The following DCAF17 variants were observed in gnomAD, a reference collection of about 807,000 sequenced individuals.
The protein encoded by DCAF17 is DDB1 and CUL4 associated factor 17, also known as DDB1- and CUL4-associated factor 17.
DCAF17 carries 48 observed loss-of-function variants against 66.0 expected under a neutral mutation model. The observed-to-expected ratio is 0.73, with a 90% confidence interval of 0.58 to 0.92. The LOEUF is 0.92. DCAF17 is among the 40% of genes least tolerant of loss of function. The pLI is 0.00. For missense variants in DCAF17, 562 were observed against 622.8 expected, an observed-to-expected ratio of 0.90 and a Z score of 1.04; for synonymous variants, 206 against 214.6, an observed-to-expected ratio of 0.96 and a Z score of 0.35.
intron 2 of DCAF17, among the ~76,000 whole-genome samples, chr2:171,440,964 C>A (rs984572575): frequency 3.3e-5 from 5 of 152,290 alleles, no homozygotes; most frequent in African/African-American, 1.2e-4. Context: ...GACCAGAAAC[C>A]AGAATTTAGA....
At chr2:171,441,920 A>G (rs1380264968) in intron 2 of DCAF17, among the ~76,000 whole-genome samples, 2 of 152,322 alleles carry the variant, frequency 1.3e-5, no homozygotes, top group South Asian at 4.1e-4. Flanking sequence ...GGAAATCTGG[A>G]CATGTTATCT....
chr2:171,445,968 T>C (rs1694598279), intron 3 of DCAF17, among the ~76,000 whole-genome samples: 2 of 152,198 alleles, frequency 1.3e-5, no homozygotes, highest in South Asian at 4.2e-4. Flanking sequence ...TAAGTGTGAG[T>C]CACCACGCTC....
intron 2 of DCAF17, among the ~76,000 whole-genome samples, 174 bp downstream of exon 2, chr2:171,435,360 A>T (rs1693810258): frequency 6.6e-6 from 1 of 152,208 alleles, no homozygotes; most frequent in South Asian, 2.1e-4. Context: ...GTTAAATCTA[A>T]AGTTGCAGGT....
chr2:171,447,319 C>A (rs936327985), intron 3 of DCAF17: 5 of 283,930 alleles, frequency 1.8e-5, no homozygotes, highest in Admixed American at 4.8e-5. Flanking sequence ...CACTTTTTGG[C>A]CTAAGCAGAT....
At chr2:171,462,794 CTA>C (rs1695662232) in intron 8 of DCAF17, among the ~76,000 whole-genome samples, 1 of 152,088 alleles carries the variant, frequency 6.6e-6, no homozygotes, top group Non-Finnish European at 1.5e-5. Flanking sequence ...TGGAAACAAT[CTA>C]TACATTGGTA....
intron 8 of DCAF17, among the ~76,000 whole-genome samples, chr2:171,466,693 A>G (rs1286864796): frequency 6.6e-6 from 1 of 150,812 alleles, no homozygotes; most frequent in Non-Finnish European, 1.5e-5. Context: ...TTTACTGGGA[A>G]AGGTATTTCT....
intron 8 of DCAF17, among the ~76,000 whole-genome samples, chr2:171,463,008 A>T (rs2105783508): frequency 6.6e-6 from 1 of 152,232 alleles, no homozygotes; most frequent in East Asian, 1.9e-4. Context: ...AGGCAAGTGG[A>T]TCACTTGAGG....
At chr2:171,469,103 C>T (rs1696090409) in intron 9 of DCAF17, 73 bp downstream of exon 9, 4 of 1,521,806 alleles carry the variant, frequency 2.6e-6, no homozygotes, top group Non-Finnish European at 3.6e-6. Flanking sequence ...CAAATAGGCC[C>T]ACATTCCTAA....
rs1359593274 is a variant in DCAF17, at chr2:171,449,895, A to C, written c.475A>C (p.Thr159Pro). Residue 159 changes from threonine to proline, a missense_variant, in exon 5 of 14, where the codon ACT becomes CCT. Thr to Pro is a conservative substitution (Grantham distance 38). This residue lies in a region of DCAF17 where 348 missense variants were observed against 355.9 expected (regional missense o/e 0.98). Coordinates refer to ENST00000375255, the MANE Select transcript of DCAF17 (RefSeq NM_025000.4). The stretch of plus-strand genomic sequence containing the variant: ...TTTTAAAAGATACTTGAGCTGGGAC[A>C]CTCCTCAAGAAGTCATTGCAGTTAA... Reference protein sequence around the residue: ...YCKFRYLSWDTPQEVIAVKSA... With the variant: ...YCKFRYLSWDPPQEVIAVKSA... 1 of 1,613,624 alleles carries C rather than the reference A, an allele frequency of 6.2e-7. No individual in the cohort carries two copies.
In DCAF17 at chr2:171,481,199, A is replaced by C; in HGVS notation, c.*85A>C. 2.6e-6 allele frequency: 4 copies of C among 1,556,936 alleles called. No homozygotes were observed. In the South Asian group the frequency reaches 4.5e-5, roughly 17 times the overall value. On this transcript the variant is annotated 3_prime_UTR_variant, in exon 14 of 14. Coordinates refer to ENST00000375255, the MANE Select transcript of DCAF17 (RefSeq NM_025000.4). ...CAATCCATTTTATTATCTGCATGGC[A>C]CATTCTCCAGTATTTTCCAAAAAAG...
Position 171,458,525 on chromosome 2 carries a change from C to A in DCAF17, c.838+48C>A. 3 of 1,383,648 alleles carry A rather than the reference C, an allele frequency of 2.2e-6. No individual in the cohort carries two copies. The South Asian group carries it at 3.5e-5, about 16-fold the overall frequency. 85.7% of individuals were successfully genotyped at this position (1,383,648 alleles called of 1,614,324 possible). Reference sequence around the variant, plus strand: ...TTTCACCTTAAAAAAATTAAGTGGTCATATAAATAGTTATTAATTATAGTC... The same window carrying A: ...TTTCACCTTAAAAAAATTAAGTGGTAATATAAATAGTTATTAATTATAGTC... On this transcript the variant is annotated intron_variant, in intron 8 of 13. Coordinates refer to ENST00000375255, the MANE Select transcript of DCAF17 (RefSeq NM_025000.4).
At chr2:171,473,378 G>A (rs1282858281) in intron 9 of DCAF17, among the ~76,000 whole-genome samples, 2 of 152,266 alleles carry the variant, frequency 1.3e-5, no homozygotes, top group African/African-American at 2.4e-5. Flanking sequence ...GCTAAGGTGA[G>A]AGGATCACTT....
rs1695387457 is a variant in DCAF17 at position 171,458,453 on chromosome 2, A to G, written c.814A>G (p.Ile272Val). The change falls in exon 8 of 14, where the codon ATT (isoleucine) becomes GTT (valine). Residue 272 changes from isoleucine to valine, a missense_variant. Ile to Val is a conservative substitution (Grantham distance 29). Around this residue, in one of 3 missense-constraint regions of DCAF17, gnomAD observed 348 missense variants for 355.9 expected, o/e 0.98. Transcript: ENST00000375255. The stretch of plus-strand genomic sequence containing the variant: ...AACTGTAGGAGAGGCTCCTTTTGGC[A>G]TTCCTTGTAATATTAAAATCACAGG... ...TGTVGEAPFG[I>V]PCNIKITDMP... The G allele has an allele frequency of 1.2e-6, 2 of 1,613,792 alleles. No homozygotes were observed. Among genetic ancestry groups the G allele is most frequent in the Non-Finnish European group, 1.7e-6 (2 of 1,179,752 alleles).
chr2:171,440,911 T>C (rs192572147), intron 2 of DCAF17, among the ~76,000 whole-genome samples: 48 of 152,338 alleles, frequency 3.2e-4, no homozygotes, highest in Admixed American at 8.5e-4. Flanking sequence ...TTTTTCGTGC[T>C]ATGAGGACAG....
At chr2:171,470,669 C>T (rs889675763) in intron 9 of DCAF17, among the ~76,000 whole-genome samples, 6 of 152,176 alleles carry the variant, frequency 3.9e-5, no homozygotes, top group African/African-American at 1.4e-4. Flanking sequence ...GGACATCATT[C>T]AGCCACCAGG....
intron 9 of DCAF17, chr2:171,472,899 G>T: frequency 3.0e-6 from 1 of 337,070 alleles, no homozygotes; most frequent in Non-Finnish European, 6.0e-6. Flanking sequence ...CTTCTGTAAA[G>T]CCAGTGAAGT....
In DCAF17 at chr2:171,481,736, G is replaced by A; in HGVS notation, c.*622G>A. On this transcript the variant is annotated 3_prime_UTR_variant, in exon 14 of 14. Coordinates refer to ENST00000375255, the MANE Select transcript of DCAF17 (RefSeq NM_025000.4). ...TTTTCTTCCTTGGTTTTGTTCTCTT[G>A]GCTTGATGTTCACATTGAATATTTG... is the stretch of plus-strand genomic sequence containing the variant. 4.4e-6 allele frequency: 2 copies of A among 453,710 alleles called. No homozygotes were observed. The highest frequency in any genetic ancestry group is 2.0e-5 in the African/African-American group (1 of 50,042). The allele number at this position is 453,710 out of a possible 1,614,324, so 28.1% of individuals were successfully genotyped here.
chr2:171,447,018 A>G (rs1403826114), intron 3 of DCAF17, among the ~76,000 whole-genome samples: 1 of 152,114 alleles, frequency 6.6e-6, no homozygotes, highest in African/African-American at 2.4e-5. Flanking sequence ...CGGACAGTTA[A>G]TTTCAGCTTC....
In DCAF17 at chr2:171,448,693, C is replaced by G. The variant is rs772322764; in HGVS notation, c.334C>G (p.Pro112Ala). 2 of 1,590,172 alleles carry G rather than the reference C, an allele frequency of 1.3e-6. No homozygotes were observed. Among genetic ancestry groups the G allele is most frequent in the African/African-American group, 2.7e-5 (2 of 73,812 alleles). The change falls in exon 4 of 14, where the codon CCC becomes GCC. Residue 112 changes from proline (P) to alanine (A), a missense_variant. Transcript: ENST00000375255. ...TTTTTTTTTTTAGGGAGATATACTT[C>G]CCAATTCATCAGATTATAAGTCCTC... ...LWECPVGDIL[P>A]NSSDYKSSLI...
Sources: gnomAD v4.1 joint callset for allele counts (sites outside exome capture counted in the v4.1 genomes callset) on GRCh38, gnomAD v4.1.1 for gene constraint, gnomAD v4.1.1 regional missense constraint, MANE v1.5 for transcripts, NCBI Gene and HGNC (gene_info 2026-07-23, HGNC 2026-07-21) for gene names.